REPS2: variants seen among roughly 807,000 people sequenced by gnomAD.
The protein encoded by REPS2 is ralBP1-associated Eps domain-containing protein 2.
A neutral mutation model predicts 53.6 loss-of-function variants in REPS2; 23 were observed. The observed-to-expected ratio is 0.43, with a 90% CI of 0.31 to 0.61. The LOEUF (loss-of-function observed/expected upper bound fraction) is 0.61. Ranked by LOEUF, REPS2 falls within the 20% of genes least tolerant of loss-of-function variation. REPS2 has a pLI of 0.11. For missense variants in REPS2, 446 were observed against 534.9 expected, an observed-to-expected ratio of 0.83 and a Z score of 1.64; for synonymous variants, 238 against 218.6, an observed-to-expected ratio of 1.09 and a Z score of -0.78.
rs756714640 is a variant in REPS2, at chrX:16,978,817, G to C, written c.274-27404G>C. Reference sequence around the variant, plus strand: ...TGGACAAGAGAAAAGTAATAGAGCTGGATCTTTTCATGATCCTGCATTTAT... The same window carrying C: ...TGGACAAGAGAAAAGTAATAGAGCTCGATCTTTTCATGATCCTGCATTTAT... On this transcript the variant is annotated intron_variant, in intron 1 of 17. Transcript: ENST00000357277. 8.0e-5 allele frequency among the ~76,000 whole-genome samples: 9 copies of C among 111,955 alleles called. 1 individual carries two copies. The highest frequency in any genetic ancestry group is 1.9e-4 in the African/African-American group (6 of 30,892).
downstream of REPS2, among the ~76,000 whole-genome samples, chrX:17,155,866 GA>G (rs1413853688): frequency 2.7e-5 from 3 of 111,794 alleles, no homozygotes; most frequent in East Asian, 5.7e-4. Context: ...AGCTCTTTTT[GA>G]AAGGGGAGAT....
At chrX:17,155,563 A>G (rs1038648400), downstream of REPS2, among the ~76,000 whole-genome samples, 1 of 111,740 alleles carries the variant, frequency 8.9e-6, no homozygotes, top group Admixed American at 9.5e-5. Context: ...AGAAGGCATA[A>G]ACCACCCTGA....
chrX:17,174,314 C>T, the REPS2 span, among the ~76,000 whole-genome samples: 1 of 112,230 alleles, frequency 8.9e-6, no homozygotes, highest in African/African-American at 3.2e-5. Flanking sequence ...TGCTTGGGCC[C>T]GTACTTGAAA....
At chrX:16,951,500 TACACACACACACACAC>T (rs1157042780) in intron 1 of REPS2, among the ~76,000 whole-genome samples, 22 of 60,119 alleles carry the variant, frequency 3.7e-4, no homozygotes, top group African/African-American at 1.3e-3. Context: ...AAACCCCATC[TACACACACACACACAC>T]ACACACACAC....
At chrX:16,986,813 A>G (rs1321302167) in intron 1 of REPS2, among the ~76,000 whole-genome samples, 1 of 111,085 alleles carries the variant, frequency 9.0e-6, no homozygotes, top group Admixed American at 9.6e-5. Flanking sequence ...GAACTTACTC[A>G]GTCCCCAGCA....
At chrX:17,063,710 C>G (rs1263833976) in intron 9 of REPS2, among the ~76,000 whole-genome samples, 1 of 111,169 alleles carries the variant, frequency 9.0e-6, no homozygotes, top group Non-Finnish European at 1.9e-5. Flanking sequence ...AATAGTTTGC[C>G]ACTTTTCATG....
At chrX:17,132,401 C>A (rs2063304632) in intron 14 of REPS2, among the ~76,000 whole-genome samples, 1 of 112,285 alleles carries the variant, frequency 8.9e-6, no homozygotes, top group Non-Finnish European at 1.9e-5. Context: ...TTCTCCACAC[C>A]ACAAGGCCTT....
chrX:17,006,446 T>G, intron 2 of REPS2, 102 bp downstream of exon 2: 1 of 795,495 alleles, frequency 1.3e-6, no homozygotes, highest in East Asian at 3.5e-5. Context: ...TCTCCTTGCT[T>G]CCTCCAACTC....
At chrX:17,154,147 G>A (rs1250158468), downstream of REPS2, among the ~76,000 whole-genome samples, 1 of 111,814 alleles carries the variant, frequency 8.9e-6, no homozygotes, top group Non-Finnish European at 1.9e-5. Context: ...CTACTGACTA[G>A]CCAATCTCAT....
intron 1 of REPS2, among the ~76,000 whole-genome samples, chrX:16,986,360 G>A (rs181342600): frequency 3.6e-5 from 4 of 112,048 alleles, no homozygotes; most frequent in African/African-American, 1.3e-4. Context: ...TTTCAGGTCA[G>A]TGCTCTTTGG....
intron 9 of REPS2, among the ~76,000 whole-genome samples, chrX:17,067,589 A>G (rs1445795528): frequency 1.8e-5 from 2 of 112,323 alleles, no homozygotes; most frequent in East Asian, 5.6e-4. Flanking sequence ...TTGGGTATTC[A>G]TATTAGTGTG....
Position 17,022,134 on chromosome X carries a change from C to T in REPS2, c.409C>T (p.Pro137Ser). ...IESIKCELPLPRFMMSKNDGE... is the reference protein window; with the variant it reads ...IESIKCELPLSRFMMSKNDGE... ...TTCTGGTCCCAAAGAATTGCCTCTGCCTCGCTTTATGATGTCAAAGAATGA... is the reference window on the plus strand; with the variant it reads ...TTCTGGTCCCAAAGAATTGCCTCTGTCTCGCTTTATGATGTCAAAGAATGA... Residue 137 changes from proline (P) to serine (S), a missense_variant, in exon 3 of 18, where the codon CCT becomes TCT. Coordinates refer to ENST00000357277, the MANE Select transcript of REPS2 (RefSeq NM_004726.3). The T allele has an allele frequency of 1.7e-6, 2 of 1,205,415 alleles. No individual in the cohort carries two copies. The highest frequency in any genetic ancestry group is 1.8e-5 in the South Asian group (1 of 55,650).
At chrX:17,155,886 C>T (rs1304599778), downstream of REPS2, among the ~76,000 whole-genome samples, 1 of 111,382 alleles carries the variant, frequency 9.0e-6, no homozygotes, top group Non-Finnish European at 1.9e-5. Context: ...ATGTCATGGG[C>T]CCTGAGATGA....
the REPS2 span, among the ~76,000 whole-genome samples, chrX:17,182,376 A>C: frequency 0.14 from 15,760 of 111,249 alleles, 892 homozygotes; most frequent in African/African-American, 0.18. Context: ...ATAAGGTTGC[A>C]AGATGAACAG....
intron 1 of REPS2, among the ~76,000 whole-genome samples, chrX:16,982,704 G>A (rs770898856): frequency 3.4e-4 from 38 of 111,899 alleles, no homozygotes; most frequent in Non-Finnish European, 3.2e-4. Context: ...GCCTGTGAGG[G>A]GAAGTGATGT....
the REPS2 span, among the ~76,000 whole-genome samples, chrX:17,187,101 T>C: frequency 8.9e-6 from 1 of 111,886 alleles, no homozygotes; most frequent in Non-Finnish European, 1.9e-5. Context: ...ATTAAAACAA[T>C]GGGAACCATG....
At chrX:17,098,713 A>G (rs1417061208) in intron 13 of REPS2, among the ~76,000 whole-genome samples, 1 of 111,211 alleles carries the variant, frequency 9.0e-6, no homozygotes, top group Non-Finnish European at 1.9e-5. Context: ...TCTTGAGTCA[A>G]TTCAGTGAAA....
chrX:16,963,603 T>G (rs550283594), intron 1 of REPS2, among the ~76,000 whole-genome samples: 9 of 112,548 alleles, frequency 8.0e-5, no homozygotes, highest in Middle Eastern at 4.6e-3. Context: ...GGTGCTCTGT[T>G]TAATTATGAA....
At chrX:17,117,964 T>G (rs1475630325) in intron 14 of REPS2, among the ~76,000 whole-genome samples, 204 of 79,102 alleles carry the variant, frequency 2.6e-3, no homozygotes, top group African/African-American at 9.6e-3. Context: ...TTTTTTTTTT[T>G]TTTTTTTTTT....
Sources: gnomAD v4.1 joint callset for allele counts (sites outside exome capture counted in the v4.1 genomes callset) on GRCh38, gnomAD v4.1.1 for gene constraint, MANE v1.5 for transcripts, NCBI Gene and HGNC (gene_info 2026-07-23, HGNC 2026-07-21) for gene names.